C2orf42: variants seen among roughly 807,000 people sequenced by gnomAD.
C2orf42 encodes the protein chromosome 2 open reading frame 42.
In C2orf42, 44 loss-of-function variants were observed where a neutral mutation model predicts 58.9. The ratio of observed to expected loss-of-function variants is 0.75; its 90% CI spans 0.59 to 0.96. C2orf42 has a LOEUF of 0.96. Among genes scored for constraint, C2orf42 ranks in the 40% least tolerant of loss-of-function variants. C2orf42 has a pLI of 0.00. For missense variants in C2orf42, 630 were observed against 699.2 expected (o/e 0.90, Z 1.12); for synonymous variants, 239 against 265.4 (o/e 0.90, Z 0.97).
At chr2:70,169,441 C>G in intron 6 of C2orf42, 116 bp downstream of exon 6, 1 of 471,672 alleles carries the variant, frequency 2.1e-6, no homozygotes, top group Non-Finnish European at 3.8e-6. Flanking sequence ...TTTCTTGTGG[C>G]CCAGTGCTCT....
At chr2:70,156,811 G>A (rs894639352) in intron 9 of C2orf42, among the ~76,000 whole-genome samples, 8 of 150,832 alleles carry the variant, frequency 5.3e-5, no homozygotes, top group African/African-American at 7.3e-5. Flanking sequence ...GCAGTGAGCC[G>A]TGATTGTGCC....
chr2:70,185,276 T>C (rs1674855065), intron 1 of C2orf42, among the ~76,000 whole-genome samples: 1 of 151,396 alleles, frequency 6.6e-6, no homozygotes, highest in Non-Finnish European at 1.5e-5. Flanking sequence ...GGCGTGGTGG[T>C]GCACGTCTGT....
chr2:70,183,707 C>T (rs557549742), intron 1 of C2orf42, among the ~76,000 whole-genome samples: 15 of 144,672 alleles, frequency 1.0e-4, no homozygotes, highest in East Asian at 1.0e-3. Flanking sequence ...TGAGCCAATG[C>T]GCCCGGCCGA....
rs769623929 is a variant in C2orf42, at chr2:70,186,289, C to CAT, written c.-281-3356_-281-3355dup. ...TTTCATCTGCAAAGCTACGATACGA[C>CAT]ATATATATACGTATATGTATATATA... On this transcript the variant is annotated intron_variant, in intron 1 of 9. Transcript: ENST00000264434. Among the ~76,000 whole-genome samples the CAT allele has an allele frequency of 2.6e-5, 4 of 151,780 alleles. No individual in the cohort carries two copies. In the South Asian group the frequency reaches 8.3e-4, roughly 32 times the overall value.
chr2:70,157,431 G>A (rs1391119524), intron 9 of C2orf42, among the ~76,000 whole-genome samples: 2 of 151,668 alleles, frequency 1.3e-5, no homozygotes, highest in Admixed American at 6.6e-5. Context: ...CTCCAGCCTG[G>A]GCGACAGCGA....
chr2:70,170,934 T>C (rs890473710), intron 5 of C2orf42, among the ~76,000 whole-genome samples: 4 of 151,308 alleles, frequency 2.6e-5, no homozygotes, highest in Middle Eastern at 3.4e-3. Flanking sequence ...GCTAATACAG[T>C]GAAACCCCGT....
At chr2:70,179,675 C>T in intron 3 of C2orf42, 33 bp from the exon 4 acceptor site, 1 of 899,874 alleles carries the variant, frequency 1.1e-6, no homozygotes, top group Non-Finnish European at 1.8e-6. Flanking sequence ...ATTATTAATC[C>T]TATCCAAGGG....
At chr2:70,176,647 T>C (rs1308340598) in intron 4 of C2orf42, among the ~76,000 whole-genome samples, 7 of 152,186 alleles carry the variant, frequency 4.6e-5, no homozygotes, top group Admixed American at 4.6e-4. Context: ...AGATGAGGTC[T>C]TGCTATATTG....
At chr2:70,167,219 A>G (rs2104896549) in intron 6 of C2orf42, among the ~76,000 whole-genome samples, 1 of 152,056 alleles carries the variant, frequency 6.6e-6, no homozygotes, top group South Asian at 2.1e-4. Context: ...TTAGCCGGGC[A>G]TGGTGGCATG....
At chr2:70,189,148 C>T (rs891281717) in intron 1 of C2orf42, among the ~76,000 whole-genome samples, 2 of 152,064 alleles carry the variant, frequency 1.3e-5, no homozygotes, top group African/African-American at 4.8e-5. Flanking sequence ...TGGCTCACAC[C>T]TGTAATCCCA....
chr2:70,169,775 TTG>T (rs1157416092), intron 5 of C2orf42, 114 bp from the exon 6 acceptor site: 1 of 608,760 alleles, frequency 1.6e-6, no homozygotes, highest in Non-Finnish European at 2.9e-6. Context: ...TTTTATTTTT[TTG>T]AGACAGAGGT....
chr2:70,181,167 G>A lies in C2orf42; in HGVS notation c.819C>T (p.Ser273=). 2 of 1,548,160 alleles carry A rather than the reference G, an allele frequency of 1.3e-6. No individual in the cohort carries two copies. The highest frequency in any genetic ancestry group is 1.8e-6 in the Non-Finnish European group (2 of 1,141,546). The change falls in exon 3 of 10, where the codon TCC becomes TCT. Residue 273 remains serine (S), a synonymous_variant. Coordinates refer to ENST00000264434, the MANE Select transcript of C2orf42 (RefSeq NM_017880.3). ...QEFSDFLNFD[S]SGLKEIIVPQ... ...CACATCAACCATACCACCTACCGCT[G>A]GAATCAAAATTTAGGAAGTCTGAGA...
intron 5 of C2orf42, 129 bp downstream of exon 5, chr2:70,175,544 C>T (rs1674129841): frequency 1.4e-6 from 1 of 710,636 alleles, no homozygotes; most frequent in Non-Finnish European, 2.6e-6. Context: ...GGAGGGACCT[C>T]AGCCTCAGTG....
chr2:70,177,881 AACC>A (rs763936174), intron 4 of C2orf42, among the ~76,000 whole-genome samples: 15 of 152,168 alleles, frequency 9.9e-5, no homozygotes, highest in Admixed American at 3.3e-4. Context: ...ACAAAAAACA[AACC>A]AAAAAATTAG....
intron 6 of C2orf42, among the ~76,000 whole-genome samples, chr2:70,168,429 A>C (rs573491635): frequency 1.8e-4 from 27 of 150,600 alleles, no homozygotes; most frequent in African/African-American, 6.6e-4. Context: ...CTGGGACTAC[A>C]GGCACCCGCC....
chr2:70,166,079 T>C (rs1361357001), intron 6 of C2orf42, among the ~76,000 whole-genome samples: 5 of 151,660 alleles, frequency 3.3e-5, no homozygotes, highest in Non-Finnish European at 7.4e-5. Context: ...TTAGTAGAGA[T>C]GGGGTTTCAC....
intron 1 of C2orf42, among the ~76,000 whole-genome samples, chr2:70,186,958 T>TG (rs1406173658): frequency 1.8e-5 from 1 of 56,994 alleles, no homozygotes; most frequent in Non-Finnish European, 3.6e-5. Flanking sequence ...AGTTGTGGGG[T>TG]GGGGGGAGGA....
At chr2:70,161,886 TGC>T (rs1673073090) in intron 8 of C2orf42, among the ~76,000 whole-genome samples, 1 of 151,124 alleles carries the variant, frequency 6.6e-6, no homozygotes, top group African/African-American at 2.4e-5. Flanking sequence ...TGGTTGCCCC[TGC>T]TGGAGTACAG....
At position 70,149,998 on chromosome 2, in the gene C2orf42, A is replaced by G. The variant is rs1672205170; in HGVS notation, c.*358T>C. ...CTAACCAGGGTGTTAACTTTCCAAC[A>G]CTGTTGGTGTATGGCTGAGTGCTGC... On this transcript the variant is annotated 3_prime_UTR_variant, in exon 10 of 10. Coordinates refer to ENST00000264434, the MANE Select transcript of C2orf42 (RefSeq NM_017880.3). The G allele has an allele frequency of 3.5e-6, 1 of 289,408 alleles. No homozygotes were observed. The allele number at this position is 289,408 out of a possible 1,614,324, so 17.9% of individuals were successfully genotyped here.
Sources: gnomAD v4.1 joint callset for allele counts (sites outside exome capture counted in the v4.1 genomes callset) on GRCh38, gnomAD v4.1.1 for gene constraint, MANE v1.5 for transcripts, NCBI Gene and HGNC (gene_info 2026-07-23, HGNC 2026-07-21) for gene names.